Variants in CALN1 observed in about 807,000 individuals in gnomAD.
The protein encoded by CALN1 is calcium-binding protein 8.
Under a neutral mutation model 30.6 loss-of-function variants are expected in CALN1, and 17 were observed. The observed-to-expected ratio is 0.56, with a 90% CI of 0.38 to 0.83. The LOEUF (loss-of-function observed/expected upper bound fraction) is 0.83. Among genes scored for constraint, CALN1 ranks in the 40% least tolerant of loss-of-function variants. CALN1 has a pLI of 0.00. For synonymous variants in CALN1, 156 were observed against 131.4 expected (o/e 1.19, Z -1.28); for missense variants, 291 against 354.9 (o/e 0.82, Z 1.45).
chr7:72,093,522 G>A (rs1212233687), intron 4 of CALN1, among the ~76,000 whole-genome samples: 1 of 152,116 alleles, frequency 6.6e-6, no homozygotes, highest in African/African-American at 2.4e-5. Context: ...TTAGCATTAT[G>A]ATTAATTAAC....
At chr7:71,822,802 G>A (rs1788673196) in intron 5 of CALN1, among the ~76,000 whole-genome samples, 1 of 152,086 alleles carries the variant, frequency 6.6e-6, no homozygotes, top group Admixed American at 6.6e-5. Flanking sequence ...TGAGATTTAT[G>A]ATGACACATT....
chr7:72,297,139 T>C (rs1798921822), intron 2 of CALN1, among the ~76,000 whole-genome samples: 1 of 152,184 alleles, frequency 6.6e-6, no homozygotes, highest in Admixed American at 6.5e-5. Flanking sequence ...TTTGTTCCCG[T>C]TGGTTTCAAA....
intron 2 of CALN1, among the ~76,000 whole-genome samples, chr7:72,382,356 G>C (rs147657802): frequency 2.0e-5 from 3 of 152,230 alleles, no homozygotes; most frequent in African/African-American, 7.2e-5. Flanking sequence ...TGGGCTCACA[G>C]ACATGGGAGA....
chr7:71,919,927 G>A (rs1323068045), intron 5 of CALN1, among the ~76,000 whole-genome samples: 1 of 152,154 alleles, frequency 6.6e-6, no homozygotes, highest in African/African-American at 2.4e-5. Context: ...CCTGAGCCTG[G>A]TTCTGAGAGG....
chr7:72,310,878 C>A (rs1350330337), intron 2 of CALN1, among the ~76,000 whole-genome samples: 1 of 146,440 alleles, frequency 6.8e-6, no homozygotes, highest in Non-Finnish European at 1.5e-5. Flanking sequence ...ACTCTGTCGC[C>A]AGCCTGGCGA....
At chr7:72,301,028 T>A (rs1585411012) in intron 2 of CALN1, among the ~76,000 whole-genome samples, 1 of 152,050 alleles carries the variant, frequency 6.6e-6, no homozygotes. Context: ...AAGCACAGAA[T>A]ATCAGGGAAA....
At chr7:72,349,342 A>G (rs1355666229) in intron 2 of CALN1, among the ~76,000 whole-genome samples, 1 of 151,484 alleles carries the variant, frequency 6.6e-6, no homozygotes, top group Non-Finnish European at 1.5e-5. Flanking sequence ...TTAAACAGAA[A>G]AAAGTATTTG....
At chr7:72,368,652 G>A (rs182539864) in intron 2 of CALN1, among the ~76,000 whole-genome samples, 20 of 152,170 alleles carry the variant, frequency 1.3e-4, no homozygotes, top group Non-Finnish European at 2.2e-4. Flanking sequence ...GAGGTCATCT[G>A]AAAGTGATTG....
chr7:72,284,004 G>A (rs1364713214), intron 2 of CALN1, among the ~76,000 whole-genome samples: 1 of 152,194 alleles, frequency 6.6e-6, no homozygotes, highest in Non-Finnish European at 1.5e-5. Flanking sequence ...GTAATATACT[G>A]AAGAGGCCAT....
At chr7:72,026,239 C>T (rs568654541) in intron 4 of CALN1, among the ~76,000 whole-genome samples, 1 of 152,188 alleles carries the variant, frequency 6.6e-6, no homozygotes, top group Admixed American at 6.5e-5. Context: ...CAGGAAGTAC[C>T]AATCAAGATC....
chr7:72,308,665 A>G (rs1585433598), intron 2 of CALN1, among the ~76,000 whole-genome samples: 2 of 152,104 alleles, frequency 1.3e-5, no homozygotes, highest in Admixed American at 6.6e-5. Context: ...TGATGAACTC[A>G]CACTCTTGGG....
At chr7:72,069,857 ATAAAG>A (rs1340799773) in intron 4 of CALN1, among the ~76,000 whole-genome samples, 41 of 152,310 alleles carry the variant, frequency 2.7e-4, no homozygotes, top group South Asian at 2.1e-4. Flanking sequence ...TTTGGTACGA[ATAAAG>A]TAAAGTGTTA....
At chr7:72,014,566 C>T (rs1800272588) in intron 5 of CALN1, among the ~76,000 whole-genome samples, 1 of 152,008 alleles carries the variant, frequency 6.6e-6, no homozygotes, top group South Asian at 2.1e-4. Flanking sequence ...GCTCTTTATC[C>T]CATTTATTGT....
chr7:72,147,545 C>T (rs1164441853), intron 3 of CALN1, among the ~76,000 whole-genome samples: 1 of 150,490 alleles, frequency 6.6e-6, no homozygotes, highest in Admixed American at 6.6e-5. Flanking sequence ...TGTTGCGATT[C>T]CTCAGGGATC....
chr7:72,232,202 G>T (rs1794155690), intron 3 of CALN1, among the ~76,000 whole-genome samples: 1 of 152,134 alleles, frequency 6.6e-6, no homozygotes, highest in Non-Finnish European at 1.5e-5. Context: ...TCCGGCAAGG[G>T]GTTTAGATTT....
At chr7:71,789,750 A>T (rs1244125324) in intron 6 of CALN1, among the ~76,000 whole-genome samples, 1 of 152,178 alleles carries the variant, frequency 6.6e-6, no homozygotes, top group Non-Finnish European at 1.5e-5. Flanking sequence ...GAAACCATGT[A>T]TAGGTCTCAA....
chr7:71,947,564 A>G (rs1466465740), intron 5 of CALN1, among the ~76,000 whole-genome samples: 1 of 152,214 alleles, frequency 6.6e-6, no homozygotes, highest in Non-Finnish European at 1.5e-5. Context: ...GAAGAAAATT[A>G]TACTGGAGGT....
intron 2 of CALN1, among the ~76,000 whole-genome samples, chr7:72,301,559 G>T (rs1799261305): frequency 7.2e-6 from 1 of 139,654 alleles, no homozygotes; most frequent in Non-Finnish European, 1.5e-5. Context: ...AGTGTGCTGA[G>T]ATCACGCCAC....
chr7:71,979,354 C>T (rs990530436), intron 5 of CALN1, among the ~76,000 whole-genome samples: 6 of 152,166 alleles, frequency 3.9e-5, no homozygotes, highest in Admixed American at 6.5e-5. Context: ...AGTGGGAGCC[C>T]TGGGCTTGTT....
Sources: gnomAD v4.1 joint callset for allele counts (sites outside exome capture counted in the v4.1 genomes callset) on GRCh38, gnomAD v4.1.1 for gene constraint, MANE v1.5 for transcripts, NCBI Gene and HGNC (gene_info 2026-07-23, HGNC 2026-07-21) for gene names.